Variants in ADCY1 observed in about 807,000 individuals in gnomAD.
ADCY1 encodes adenylate cyclase 1.
In ADCY1, 28 loss-of-function variants were observed where a neutral mutation model predicts 105.4. The ratio of observed to expected loss-of-function variants is 0.27; its 90% CI spans 0.20 to 0.36. ADCY1 has a LOEUF of 0.36. Among genes scored for constraint, ADCY1 ranks in the 10% least tolerant of loss-of-function variants. ADCY1 has a pLI of 1.00. For missense variants in ADCY1, 977 were observed against 1,434.2 expected (o/e 0.68, Z 5.15); for synonymous variants, 655 against 623.8 (o/e 1.05, Z -0.75).
chr7:45,642,610 T>C (rs1189546658), intron 4 of ADCY1, among the ~76,000 whole-genome samples: 1 of 152,170 alleles, frequency 6.6e-6, no homozygotes, highest in African/African-American at 2.4e-5. Context: ...GTTGTTGTTG[T>C]TGTTGTTTTA....
At position 45,686,253 on chromosome 7, in the gene ADCY1, C is replaced by T. The variant is rs191885875; in HGVS notation, c.2327+38C>T. The T allele has an allele frequency of 3.8e-4, 612 of 1,596,818 alleles. 6 individuals are homozygous for T. The African/African-American group carries it at 7.1e-3, about 19-fold the overall frequency. The stretch of plus-strand genomic sequence containing the variant: ...CTCCTCAAGAAAAAGGCCTAAGCAG[C>T]GGTGCTACTGAATCTGTGTATACAG... On this transcript the variant is annotated intron_variant, in intron 13 of 19. Transcript: ENST00000297323. The surrounding 1 kb of genome is among the most constrained non-coding windows in gnomAD (Gnocchi z 4.3).
At position 45,720,289 on chromosome 7, in the gene ADCY1, T is replaced by A. The variant is rs1181441808; in HGVS notation, c.*6294T>A. Reference sequence around the variant, plus strand: ...ACTTTGGGAGGCGGAGGCGGGTGGATCCATTGAGGTCAGGAGCTCAAGACC... The same window carrying A: ...ACTTTGGGAGGCGGAGGCGGGTGGAACCATTGAGGTCAGGAGCTCAAGACC... On this transcript the variant is annotated 3_prime_UTR_variant, in exon 20 of 20. Coordinates refer to ENST00000297323, the MANE Select transcript of ADCY1 (RefSeq NM_021116.4). 6.6e-6 allele frequency: 1 copy of A among 151,582 alleles called. No individual in the cohort carries two copies. Among genetic ancestry groups the A allele is most frequent in the African/African-American group, 2.4e-5 (1 of 41,200 alleles). The allele number at this position is 151,582 out of a possible 1,614,324, so 9.4% of individuals were successfully genotyped here.
At chr7:45,705,625 T>C (rs941761388) in intron 17 of ADCY1, among the ~76,000 whole-genome samples, 1 of 152,182 alleles carries the variant, frequency 6.6e-6, no homozygotes, top group Non-Finnish European at 1.5e-5. Context: ...ATATACCTAA[T>C]GGAGGGAAAC....
In ADCY1 at chr7:45,591,573, A is replaced by G. The variant is rs578235814; in HGVS notation, c.640-1186A>G. 6.6e-6 allele frequency among the ~76,000 whole-genome samples: 1 copy of G among 152,354 alleles called. No individual in the cohort carries two copies. The highest frequency in any genetic ancestry group is 2.1e-4 in the South Asian group (1 of 4,828). ...AGACAGGTAGAAATGCCTGGGCTTA[A>G]TCAGACATAGAAATTCTCCAATTTT... On this transcript the variant is annotated intron_variant, in intron 1 of 19. Transcript: ENST00000297323. This position sits in a 1 kb window ranked among gnomAD's most constrained non-coding sequence, Gnocchi z 4.1.
chr7:45,636,406 C>T (rs1794398914), intron 4 of ADCY1, among the ~76,000 whole-genome samples: 1 of 152,184 alleles, frequency 6.6e-6, no homozygotes. Flanking sequence ...AAAAGCTGTA[C>T]ATGTTCAGTA....
In ADCY1 at chr7:45,574,995, G is replaced by A; in HGVS notation, c.452G>A (p.Gly151Glu). The change falls in exon 1 of 20, where the codon GGG becomes GAG. Residue 151 changes from glycine to glutamate, a missense_variant. This residue lies in a region of ADCY1 where 209 missense variants were observed against 222.5 expected (regional missense o/e 0.94). Transcript: ENST00000297323. The surrounding 1 kb of genome is among the most constrained non-coding windows in gnomAD (Gnocchi z 7.0). ...ALGGPARGSA[G>E]AAGGPATAEQ... ...GGCGGCCCCGCCCGGGGTTCCGCCGGGGCCGCTGGGGGGCCAGCGACCGCC... is the reference window on the plus strand; with the variant it reads ...GGCGGCCCCGCCCGGGGTTCCGCCGAGGCCGCTGGGGGGCCAGCGACCGCC... 1 of 1,610,930 alleles carries A rather than the reference G, an allele frequency of 6.2e-7. No homozygotes were observed. Among genetic ancestry groups the A allele is most frequent in the Non-Finnish European group, 8.5e-7 (1 of 1,178,974 alleles).
At position 45,679,876 on chromosome 7, in the gene ADCY1, C is replaced by A. The variant is rs563795289; in HGVS notation, c.1983+83C>A. 59 of 1,491,118 alleles carry A rather than the reference C, an allele frequency of 4.0e-5. No homozygotes were observed. The Middle Eastern group carries it at 1.0e-3, about 26-fold the overall frequency. 92.4% of individuals were successfully genotyped at this position (1,491,118 alleles called of 1,614,324 possible). A position where few individuals can be genotyped will look rare whatever the true frequency, so the allele number is the denominator to read the frequency against. On this transcript the variant is annotated intron_variant, in intron 11 of 19. Coordinates refer to ENST00000297323, the MANE Select transcript of ADCY1 (RefSeq NM_021116.4). ...GCCTGTATCCTGCACCTGCATATCA[C>A]CTGGTCCAGGTATGAGGGTGGCCTG...
chr7:45,693,406 A>G (rs1348647419), intron 14 of ADCY1, among the ~76,000 whole-genome samples: 2 of 143,420 alleles, frequency 1.4e-5, no homozygotes, highest in Non-Finnish European at 1.5e-5. Flanking sequence ...TTCAGAAGGA[A>G]TGGTACCAGC....
At chr7:45,599,851 C>T (rs1793178563) in intron 2 of ADCY1, among the ~76,000 whole-genome samples, 3 of 152,204 alleles carry the variant, frequency 2.0e-5, no homozygotes, top group Admixed American at 6.5e-5. Context: ...GTCTCAAACT[C>T]CTGACCTCCT....
rs1476808543 is a variant in ADCY1 at position 45,647,838 on chromosome 7, A to G, written c.1021-832A>G. Among the ~76,000 whole-genome samples, 1 of 152,260 alleles carries G rather than the reference A, an allele frequency of 6.6e-6. No individual in the cohort carries two copies. Among genetic ancestry groups the G allele is most frequent in the African/African-American group, 2.4e-5 (1 of 41,468 alleles). On this transcript the variant is annotated intron_variant, in intron 4 of 19. Transcript: ENST00000297323. The surrounding 1 kb of genome is among the most constrained non-coding windows in gnomAD (Gnocchi z 4.6). ...TACATGAAAAAATTCTTATTGTTAA[A>G]TATCAGTAGCTATAACCCACCTACA...
In ADCY1 at chr7:45,638,135, C is replaced by CA. The variant is rs1380978647; in HGVS notation, c.1021-10529dup. 2.6e-5 allele frequency among the ~76,000 whole-genome samples: 4 copies of CA among 151,280 alleles called. No homozygotes were observed. In the South Asian group the frequency reaches 6.2e-4, roughly 24 times the overall value. Reference sequence around the variant, plus strand: ...TACAGTTAAATCAAATTTGTAAAAACAAAAAACAAAAAAAAACCTGGGTGA... The same window carrying CA: ...TACAGTTAAATCAAATTTGTAAAAACAAAAAAACAAAAAAAAACCTGGGTGA... On this transcript the variant is annotated intron_variant, in intron 4 of 19. Coordinates refer to ENST00000297323, the MANE Select transcript of ADCY1 (RefSeq NM_021116.4).
chr7:45,598,289 G>A (rs184389450), intron 2 of ADCY1, among the ~76,000 whole-genome samples: 4 of 152,262 alleles, frequency 2.6e-5, no homozygotes, highest in South Asian at 2.1e-4. Context: ...TCCTCCTTTC[G>A]TGGCCACAGA....
At chr7:45,614,556 G>A (rs546573297) in intron 3 of ADCY1, among the ~76,000 whole-genome samples, 1 of 152,234 alleles carries the variant, frequency 6.6e-6, no homozygotes, top group East Asian at 1.9e-4. Flanking sequence ...AGTACTTAAA[G>A]TGTAGATGGA....
intron 4 of ADCY1, among the ~76,000 whole-genome samples, chr7:45,638,142 CA>C (rs1222950982): frequency 9.9e-5 from 15 of 150,896 alleles, no homozygotes; most frequent in Non-Finnish European, 1.9e-4. Flanking sequence ...AAACAAAAAA[CA>C]AAAAAAAACC....
intron 14 of ADCY1, among the ~76,000 whole-genome samples, chr7:45,701,677 G>A (rs1784998936): frequency 6.6e-6 from 1 of 152,148 alleles, no homozygotes. Context: ...CCTATAGAGA[G>A]GTGTTTGTCC....
chr7:45,704,375 G>A (rs1414739698), intron 16 of ADCY1, 143 bp from the exon 17 acceptor site: 4 of 672,002 alleles, frequency 6.0e-6, no homozygotes, highest in African/African-American at 5.4e-5. Context: ...TGTAGTCCTA[G>A]AACTTGTCTG....
At chr7:45,602,877 A>G (rs1793277903) in intron 2 of ADCY1, among the ~76,000 whole-genome samples, 1 of 152,248 alleles carries the variant, frequency 6.6e-6, no homozygotes, top group African/African-American at 2.4e-5. Flanking sequence ...GTAGAAAATT[A>G]GTATACAATA....
At chr7:45,612,193 T>C (rs954676504) in intron 3 of ADCY1, among the ~76,000 whole-genome samples, 1 of 152,152 alleles carries the variant, frequency 6.6e-6, no homozygotes, top group Admixed American at 6.5e-5. Flanking sequence ...CCCAAGTGGG[T>C]GGAAAGTAGC....
intron 3 of ADCY1, among the ~76,000 whole-genome samples, chr7:45,620,351 A>C (rs1387328995): frequency 6.6e-6 from 1 of 152,200 alleles, no homozygotes; most frequent in Admixed American, 6.5e-5. Context: ...AAAAAGAATT[A>C]GTGAACTTGA....
Sources: allele counts gnomAD v4.1 joint callset (sites outside exome capture counted in the v4.1 genomes callset), GRCh38; gene constraint gnomAD v4.1.1; regional missense constraint gnomAD v4.1.1; non-coding constraint Gnocchi (gnomAD v3.1); transcripts MANE v1.5; gene names NCBI Gene and HGNC (gene_info 2026-07-23, HGNC 2026-07-21).